Variants in PCDHGA2 observed in about 807,000 individuals in gnomAD.
PCDHGA2 encodes the protein protocadherin gamma subfamily A, 2.
A neutral mutation model predicts 59.2 loss-of-function variants in PCDHGA2; 40 were observed. The ratio of observed to expected loss-of-function variants is 0.68; its 90% CI spans 0.52 to 0.88. PCDHGA2 has a LOEUF of 0.88. Among genes scored for constraint, PCDHGA2 ranks in the 40% least tolerant of loss-of-function variants. PCDHGA2 has a pLI of 0.00. For synonymous variants in PCDHGA2, 560 were observed against 526.0 expected (o/e 1.06, Z -0.89); for missense variants, 1,226 against 1,204.0 (o/e 1.02, Z -0.27).
At chr5:141,499,689 CTTT>C (rs545067566) in intron 2 of PCDHGA2, among the ~76,000 whole-genome samples, 2 of 119,848 alleles carry the variant, frequency 1.7e-5, no homozygotes, top group African/African-American at 3.1e-5. Context: ...TAACAGATGA[CTTT>C]TTTTTTTTTT....
intron 1 of PCDHGA2, chr5:141,383,053 C>G: frequency 6.2e-7 from 1 of 1,613,896 alleles, no homozygotes; most frequent in South Asian, 1.1e-5. Context: ...CGCCAAGGAC[C>G]TGGGGCTGGA....
At chr5:141,479,590 A>T (rs2099500448) in intron 1 of PCDHGA2, 1 of 152,182 alleles carries the variant, frequency 6.6e-6, no homozygotes, top group Non-Finnish European at 1.5e-5. Context: ...TAGCCACTGC[A>T]CTCCAGCCTA....
At chr5:141,393,101 C>T (rs891971324) in intron 1 of PCDHGA2, 2 of 1,613,564 alleles carry the variant, frequency 1.2e-6, no homozygotes, top group Non-Finnish European at 1.7e-6. Flanking sequence ...AGGAGCTCTG[C>T]GCTCAGAGCC....
At chr5:141,422,729 C>G (rs1352451042) in intron 1 of PCDHGA2, 1 of 1,606,960 alleles carries the variant, frequency 6.2e-7, no homozygotes, top group South Asian at 1.1e-5. Flanking sequence ...CAGGGGGTGC[C>G]TCTGTCCTCC....
chr5:141,393,360 C>T, intron 1 of PCDHGA2: 1 of 1,613,968 alleles, frequency 6.2e-7, no homozygotes, highest in Non-Finnish European at 8.5e-7. Flanking sequence ...CCTGGACGTG[C>T]AGACTGGAGA....
At position 141,489,219 on chromosome 5, in the gene PCDHGA2, T is replaced by C; in HGVS notation, c.2425-5588T>C. 1 of 1,502,828 alleles carries C rather than the reference T, an allele frequency of 6.7e-7. No homozygotes were observed. Among genetic ancestry groups the C allele is most frequent in the Non-Finnish European group, 8.9e-7 (1 of 1,117,962 alleles). 93.1% of individuals were successfully genotyped at this position (1,502,828 alleles called of 1,614,324 possible). On this transcript the variant is annotated intron_variant, in intron 1 of 3. Transcript: ENST00000394576. This position sits in a 1 kb window ranked among gnomAD's most constrained non-coding sequence, Gnocchi z 4.5. ...GAGACAGGACAGCACAGACTTACTC[T>C]CCACAAAGGGACTTCTGGGTCATGG...
At chr5:141,400,237 A>AT in intron 1 of PCDHGA2, 3 of 1,613,870 alleles carry the variant, frequency 1.9e-6, no homozygotes, top group Non-Finnish European at 2.5e-6. Flanking sequence ...CCTGGCCGTG[A>AT]TTCTGGCCGT....
rs368785983 is a variant in PCDHGA2 at position 141,393,012 on chromosome 5, G to A, written c.2424+51617G>A. The A allele has an allele frequency of 1.4e-5, 23 of 1,613,724 alleles. No homozygotes were observed. Among genetic ancestry groups the A allele is most frequent in the Non-Finnish European group, 1.9e-5 (23 of 1,179,884 alleles). ...GCTGGCGAAGCACGGAGTCCGTATC[G>A]TCTCCAGAGGTAGGACGCAGCTCTT... On this transcript the variant is annotated intron_variant, in intron 1 of 3. Transcript: ENST00000394576.
chr5:141,417,785 A>C (rs1273908599), intron 1 of PCDHGA2: 22 of 1,476,018 alleles, frequency 1.5e-5, no homozygotes, highest in Non-Finnish European at 1.7e-5. Context: ...TCCTGGGCCG[A>C]ATGCTCTTTT....
At chr5:141,413,020 C>G in intron 1 of PCDHGA2, 7 of 693,768 alleles carry the variant, frequency 1.0e-5, no homozygotes, top group Non-Finnish European at 1.4e-5. Context: ...CTACACAAGC[C>G]CCACAAACCG....
intron 1 of PCDHGA2, among the ~76,000 whole-genome samples, chr5:141,457,975 C>T (rs2098934043): frequency 6.6e-6 from 1 of 152,202 alleles, no homozygotes; most frequent in South Asian, 2.1e-4. Context: ...AAGGGAAACA[C>T]ACCCTTTCAG....
rs768985461 is a variant in PCDHGA2, at chr5:141,403,714, C to T, written c.2424+62319C>T. ...TTTACCGAGTTAAAGTCCTTGAGAA[C>T]GTGCCCCCAGGCACCTGGCTGCTTA... On this transcript the variant is annotated intron_variant, in intron 1 of 3. Transcript: ENST00000394576. 10 of 1,613,792 alleles carry T rather than the reference C, an allele frequency of 6.2e-6. No homozygotes were observed. In the South Asian group the frequency reaches 6.6e-5, roughly 11 times the overall value.
chr5:141,458,273 G>C, intron 1 of PCDHGA2, among the ~76,000 whole-genome samples: 1 of 152,158 alleles, frequency 6.6e-6, no homozygotes, highest in Non-Finnish European at 1.5e-5. Context: ...AGGAACAACA[G>C]GGTTCCTGGT....
chr5:141,349,791 A>AT (rs199730073), intron 1 of PCDHGA2, among the ~76,000 whole-genome samples: 8 of 151,584 alleles, frequency 5.3e-5, no homozygotes, highest in Non-Finnish European at 5.9e-5. Flanking sequence ...ATCACTGAAG[A>AT]TTTTTTTTTA....
chr5:141,401,283 G>A (rs751622626), intron 1 of PCDHGA2, among the ~76,000 whole-genome samples: 2 of 152,044 alleles, frequency 1.3e-5, no homozygotes, highest in Non-Finnish European at 2.9e-5. Flanking sequence ...TGGAGGTTGC[G>A]GTGAGCCGAG....
intron 1 of PCDHGA2, chr5:141,484,903 G>A: frequency 2.5e-6 from 1 of 407,434 alleles, no homozygotes; most frequent in Non-Finnish European, 4.4e-6. Context: ...CTCCAATGCT[G>A]CGACGCATTA....
chr5:141,481,434 A>C (rs1374254063), intron 1 of PCDHGA2, among the ~76,000 whole-genome samples: 1 of 152,256 alleles, frequency 6.6e-6, no homozygotes, highest in East Asian at 1.9e-4. Context: ...TGATTGTATC[A>C]GTTTAGTACA....
At chr5:141,408,251 C>T (rs761835750) in intron 1 of PCDHGA2, 6 of 1,597,008 alleles carry the variant, frequency 3.8e-6, no homozygotes, top group Middle Eastern at 1.7e-4. Context: ...GCGGCAGGTG[C>T]TATTTCCTTT....
rs1452697214 is a variant in PCDHGA2, at chr5:141,476,552, G to A, written c.2425-18255G>A. ...CCAGGAAATGAAATTGGAGATTAGCGAGGCCGTGGCTCCGGGGACGCGCTT... is the reference window on the plus strand; with the variant it reads ...CCAGGAAATGAAATTGGAGATTAGCAAGGCCGTGGCTCCGGGGACGCGCTT... On this transcript the variant is annotated intron_variant, in intron 1 of 3. Transcript: ENST00000394576. The surrounding 1 kb of genome is among the most constrained non-coding windows in gnomAD (Gnocchi z 7.6). 1 of 1,614,210 alleles carries A rather than the reference G, an allele frequency of 6.2e-7. No homozygotes were observed. Among genetic ancestry groups the A allele is most frequent in the Non-Finnish European group, 8.5e-7 (1 of 1,180,032 alleles).
Sources: gnomAD v4.1 joint callset for allele counts (sites outside exome capture counted in the v4.1 genomes callset) on GRCh38, gnomAD v4.1.1 for gene constraint, Gnocchi (gnomAD v3.1) non-coding constraint, MANE v1.5 for transcripts, NCBI Gene and HGNC (gene_info 2026-07-23, HGNC 2026-07-21) for gene names.